CDC42BPB: variants seen among roughly 807,000 people sequenced by gnomAD.
The protein encoded by CDC42BPB is CDC42 binding protein kinase beta, also known as serine/threonine-protein kinase MRCK beta.
Under a neutral mutation model 214.9 loss-of-function variants are expected in CDC42BPB, and 37 were observed. That is an observed-to-expected ratio of 0.17 (90% CI 0.13 to 0.23). The LOEUF is 0.23. CDC42BPB is among the 10% of genes least tolerant of loss of function. CDC42BPB has a pLI of 1.00. For synonymous variants in CDC42BPB, 931 were observed against 884.0 expected, an observed-to-expected ratio of 1.05 and a Z score of -0.94; for missense variants, 1,694 against 2,227.0, an observed-to-expected ratio of 0.76 and a Z score of 4.82.
At chr14:103,044,360 C>A (rs931010275) in intron 1 of CDC42BPB, among the ~76,000 whole-genome samples, 1 of 148,820 alleles carries the variant, frequency 6.7e-6, no homozygotes, top group East Asian at 2.0e-4. Context: ...CCAACACAGC[C>A]GGCACCTTTT....
intron 5 of CDC42BPB, among the ~76,000 whole-genome samples, chr14:102,996,887 A>C (rs1266806885): frequency 6.6e-6 from 1 of 152,072 alleles, no homozygotes; most frequent in East Asian, 1.9e-4. Flanking sequence ...TTTTTTAAAA[A>C]GAAAGAAAGA....
intron 1 of CDC42BPB, among the ~76,000 whole-genome samples, chr14:103,055,810 C>G (rs998343424): frequency 6.6e-6 from 1 of 152,236 alleles, no homozygotes; most frequent in African/African-American, 2.4e-5. Context: ...GGAGGCCTCA[C>G]TGTGGAACAC....
At chr14:102,939,807 G>T in intron 33 of CDC42BPB, 23 bp downstream of exon 33, 1 of 1,614,016 alleles carries the variant, frequency 6.2e-7, no homozygotes. Flanking sequence ...GGCCCAGCAG[G>T]CCCCGTGAGG....
At chr14:102,958,508 T>C (rs1465740101) in intron 21 of CDC42BPB, among the ~76,000 whole-genome samples, 1 of 152,134 alleles carries the variant, frequency 6.6e-6, no homozygotes, top group African/African-American at 2.4e-5. Flanking sequence ...CCACTCTCCC[T>C]GCTCCAATAT....
At chr14:103,013,562 A>G (rs1340322893) in intron 1 of CDC42BPB, among the ~76,000 whole-genome samples, 1 of 152,202 alleles carries the variant, frequency 6.6e-6, no homozygotes, top group African/African-American at 2.4e-5. Flanking sequence ...AGTGAAAATA[A>G]TGGCACCTGC....
intron 21 of CDC42BPB, among the ~76,000 whole-genome samples, 197 bp downstream of exon 21, chr14:102,959,434 A>C (rs892335388): frequency 2.0e-5 from 3 of 152,144 alleles, no homozygotes; most frequent in African/African-American, 7.2e-5. Flanking sequence ...CAAATACCCT[A>C]AATGTCTGTC....
At position 102,938,180 on chromosome 14, in the gene CDC42BPB, G is replaced by A; in HGVS notation, c.4934-6C>T. 6.2e-7 allele frequency: 1 copy of A among 1,613,028 alleles called. No individual in the cohort carries two copies. The highest frequency in any genetic ancestry group is 1.7e-5 in the Admixed American group (1 of 59,936). ...CACGCTAGGCTCCGATCCACCTACA[G>A]AACAAGGACAGCTTTCCTCTTAGGG... On this transcript the variant is annotated splice_polypyrimidine_tract_variant and splice_region_variant and intron_variant, in intron 35 of 36. Transcript: ENST00000361246.
chr14:103,054,731 T>G lies in CDC42BPB; in HGVS notation c.175+2268A>C, dbSNP rs564864157. Among the ~76,000 whole-genome samples, 12 of 152,382 alleles carry G rather than the reference T, an allele frequency of 7.9e-5. No homozygotes were observed. The East Asian group carries it at 2.3e-3, about 29-fold the overall frequency. ...CTATAATTGAAAGTTTATACTTTTG[T>G]GCAAACTGAGTTCCTGAGAATAATG... On this transcript the variant is annotated intron_variant, in intron 1 of 36. Transcript: ENST00000361246.
intron 7 of CDC42BPB, chr14:102,981,298 G>A (rs1234529267): frequency 2.9e-5 from 17 of 580,232 alleles, no homozygotes; most frequent in African/African-American, 2.8e-4. Context: ...GAAACATGCC[G>A]TGCGCGGGAA....
At position 102,953,728 on chromosome 14, in the gene CDC42BPB, C is replaced by A. The variant is rs562901296; in HGVS notation, c.3066+470G>T. On this transcript the variant is annotated intron_variant, in intron 23 of 36. Transcript: ENST00000361246. ...GGGCCCAGTGGGGCCGCTGTGCTGG[C>A]TCTCCAGGATGCACTTGTGGAAAGG... Among the ~76,000 whole-genome samples, 385 of 152,370 alleles carry A rather than the reference C, an allele frequency of 2.5e-3. 3 individuals are homozygous for A. Among genetic ancestry groups the A allele is most frequent in the Non-Finnish European group, 4.7e-3 (318 of 68,034 alleles).
intron 1 of CDC42BPB, among the ~76,000 whole-genome samples, chr14:103,048,782 G>A (rs1227424201): frequency 2.0e-5 from 3 of 149,180 alleles, no homozygotes; most frequent in South Asian, 4.2e-4. Flanking sequence ...ACTGAGGCAG[G>A]AGAATCACTT....
intron 2 of CDC42BPB, among the ~76,000 whole-genome samples, chr14:103,009,369 C>A (rs894156764): frequency 1.1e-4 from 17 of 152,338 alleles, no homozygotes; most frequent in African/African-American, 3.8e-4. Flanking sequence ...CGCACCCCCA[C>A]TTCACCCTCA....
At chr14:102,985,046 G>T (rs1894174742) in intron 6 of CDC42BPB, among the ~76,000 whole-genome samples, 1 of 152,078 alleles carries the variant, frequency 6.6e-6, no homozygotes, top group African/African-American at 2.4e-5. Context: ...GTGGTGTGGA[G>T]GTGAGGAGGG....
Position 102,945,728 on chromosome 14 carries a change from T to G in CDC42BPB, c.3749-4A>C. On this transcript the variant is annotated splice_polypyrimidine_tract_variant and splice_region_variant and intron_variant, in intron 28 of 36. Coordinates refer to ENST00000361246, the MANE Select transcript of CDC42BPB (RefSeq NM_006035.4). The stretch of plus-strand genomic sequence containing the variant: ...CCGACTGCAATCCTGTCTGCATCTG[T>G]GGAGGGGTAAGTAACATACACAAAG... 1 of 1,612,564 alleles carries G rather than the reference T, an allele frequency of 6.2e-7. No homozygotes were observed. Among genetic ancestry groups the G allele is most frequent in the Non-Finnish European group, 8.5e-7 (1 of 1,179,688 alleles).
intron 1 of CDC42BPB, among the ~76,000 whole-genome samples, chr14:103,033,253 G>A (rs185321273): frequency 1.2e-3 from 175 of 151,880 alleles, no homozygotes; most frequent in African/African-American, 3.9e-3. Flanking sequence ...ACGGAGTATC[G>A]CTCTGTCACC....
chr14:102,985,652 G>A (rs1188525949), intron 6 of CDC42BPB, among the ~76,000 whole-genome samples: 1 of 152,240 alleles, frequency 6.6e-6, no homozygotes, highest in Non-Finnish European at 1.5e-5. Context: ...TCACATGGGT[G>A]CTTCCACTAC....
intron 2 of CDC42BPB, among the ~76,000 whole-genome samples, chr14:103,009,707 A>G (rs1886043742): frequency 6.6e-6 from 1 of 152,066 alleles, no homozygotes; most frequent in Non-Finnish European, 1.5e-5. Flanking sequence ...TCCTAAATGC[A>G]TTCTGGAAAG....
intron 7 of CDC42BPB, among the ~76,000 whole-genome samples, chr14:102,981,738 C>T (rs560086203): frequency 6.0e-4 from 91 of 152,310 alleles, no homozygotes; most frequent in Non-Finnish European, 1.1e-3. Flanking sequence ...GATCGTGCCA[C>T]TGCACTCCAG....
chr14:103,049,706 T>C (rs970808280), intron 1 of CDC42BPB, among the ~76,000 whole-genome samples: 6 of 152,200 alleles, frequency 3.9e-5, no homozygotes, highest in Admixed American at 3.9e-4. Flanking sequence ...GAAGTGCTGT[T>C]AACCTTAACT....
Sources: gnomAD v4.1 joint callset for allele counts (sites outside exome capture counted in the v4.1 genomes callset) on GRCh38, gnomAD v4.1.1 for gene constraint, MANE v1.5 for transcripts, NCBI Gene and HGNC (gene_info 2026-07-23, HGNC 2026-07-21) for gene names.